ATP6V1D: variants seen among roughly 807,000 people sequenced by gnomAD.
ATP6V1D encodes V-type proton ATPase subunit D.
A neutral mutation model predicts 39.4 loss-of-function variants in ATP6V1D; 20 were observed. The observed-to-expected ratio is 0.51, with a 90% CI of 0.36 to 0.74. The LOEUF is 0.74. ATP6V1D is among the 30% of genes least tolerant of loss of function. ATP6V1D has a pLI of 0.00. For synonymous variants in ATP6V1D, 100 were observed against 100.5 expected (o/e 0.99, Z 0.03); for missense variants, 228 against 291.6 (o/e 0.78, Z 1.59).
At position 67,359,711 on chromosome 14, in the gene ATP6V1D, T is replaced by C. The variant is rs769484837; in HGVS notation, c.-13A>G. On this transcript the variant is annotated 5_prime_UTR_variant, in exon 1 of 9. Transcript: ENST00000216442. ...CTTTGCCCGACATTCTGACGATAAC[T>C]TTTCGGCTCGGGTCCCCGGCCGGGC... The C allele has an allele frequency of 3.1e-6, 5 of 1,613,504 alleles. No homozygotes were observed. The highest frequency in any genetic ancestry group is 4.2e-6 in the Non-Finnish European group (5 of 1,179,908).
At chr14:67,353,168 T>A in intron 1 of ATP6V1D, 128 bp from the exon 2 acceptor site, 1 of 677,730 alleles carries the variant, frequency 1.5e-6, no homozygotes, top group Non-Finnish European at 2.4e-6. Context: ...TATAGAGAAT[T>A]TGTAGCTGAC....
chr14:67,338,992 C>CTTT (rs772977015), intron 8 of ATP6V1D, among the ~76,000 whole-genome samples: 13 of 131,138 alleles, frequency 9.9e-5, no homozygotes, highest in East Asian at 4.2e-4. Flanking sequence ...AGACAGAAGC[C>CTTT]TTTTTTTTTT....
intron 5 of ATP6V1D, among the ~76,000 whole-genome samples, chr14:67,346,779 T>A (rs889345468): frequency 6.6e-6 from 1 of 152,232 alleles, no homozygotes. Context: ...AAGATCTTAT[T>A]TGACTTTAAA....
At chr14:67,347,942 C>CA (rs2085631670) in intron 4 of ATP6V1D, among the ~76,000 whole-genome samples, 2 of 150,420 alleles carry the variant, frequency 1.3e-5, no homozygotes, top group Admixed American at 6.6e-5. Flanking sequence ...GACAGAGTCT[C>CA]ACTCTGTCGC....
intron 3 of ATP6V1D, 106 bp from the exon 4 acceptor site, chr14:67,349,210 C>A: frequency 1.9e-6 from 2 of 1,074,706 alleles, no homozygotes; most frequent in South Asian, 1.5e-5. Context: ...TGAGATGTCA[C>A]AATTAAGTAT....
intron 1 of ATP6V1D, among the ~76,000 whole-genome samples, chr14:67,353,411 G>C (rs1381077452): frequency 6.6e-6 from 1 of 152,152 alleles, no homozygotes. Flanking sequence ...AGCTACAGGT[G>C]TAAGTGGGAG....
chr14:67,356,038 TGTATAACCTAGACACA>T (rs1330959078), intron 1 of ATP6V1D, among the ~76,000 whole-genome samples: 4 of 151,992 alleles, frequency 2.6e-5, no homozygotes, highest in South Asian at 4.1e-4. Context: ...ACAATAAGGT[TGTATAACCTAGACACA>T]GTATAACCTA....
At chr14:67,354,909 G>A (rs2085675820) in intron 1 of ATP6V1D, among the ~76,000 whole-genome samples, 1 of 152,180 alleles carries the variant, frequency 6.6e-6, no homozygotes, top group African/African-American at 2.4e-5. Context: ...TGCCTCCCAG[G>A]TTCAAGCGAT....
intron 8 of ATP6V1D, among the ~76,000 whole-genome samples, chr14:67,339,465 C>T (rs536104775): frequency 6.6e-6 from 1 of 152,086 alleles, no homozygotes; most frequent in Non-Finnish European, 1.5e-5. Flanking sequence ...ATGCTAACTC[C>T]AGGTCTAAGA....
chr14:67,349,314 T>G (rs1219442768), intron 3 of ATP6V1D, among the ~76,000 whole-genome samples: 3 of 152,210 alleles, frequency 2.0e-5, no homozygotes, highest in African/African-American at 7.2e-5. Context: ...ATTCAAAACA[T>G]TAGCAGTAAG....
chr14:67,348,929 A>T, intron 4 of ATP6V1D, 108 bp downstream of exon 4: 2 of 1,033,730 alleles, frequency 1.9e-6, no homozygotes, highest in Non-Finnish European at 2.9e-6. Flanking sequence ...AACTTGTTCT[A>T]AGTAGAAGGA....
intron 5 of ATP6V1D, among the ~76,000 whole-genome samples, chr14:67,347,085 G>A (rs1465325921): frequency 1.3e-5 from 2 of 152,092 alleles, no homozygotes; most frequent in Admixed American, 1.3e-4. Context: ...CCCAGCTCAA[G>A]CAATCCTCCC....
chr14:67,359,602 A>T, intron 1 of ATP6V1D, 56 bp downstream of exon 1: 1 of 1,602,258 alleles, frequency 6.2e-7, no homozygotes, highest in Non-Finnish European at 8.5e-7. Flanking sequence ...GTCTGAAGGG[A>T]CCGCGCTCCG....
intron 1 of ATP6V1D, among the ~76,000 whole-genome samples, chr14:67,355,241 G>A (rs965932359): frequency 6.6e-6 from 1 of 151,830 alleles, no homozygotes; most frequent in African/African-American, 2.4e-5. Context: ...GGTAACAAAT[G>A]ACATACGTAA....
intron 1 of ATP6V1D, 142 bp downstream of exon 1, chr14:67,359,516 G>A (rs542643351): frequency 4.5e-6 from 4 of 881,232 alleles, no homozygotes; most frequent in South Asian, 3.5e-5. Flanking sequence ...AGGAAGCCTC[G>A]CCCTAGACTC....
intron 1 of ATP6V1D, among the ~76,000 whole-genome samples, chr14:67,356,448 C>A (rs199732182): frequency 3.2e-4 from 43 of 135,438 alleles, no homozygotes; most frequent in East Asian, 2.7e-3. Flanking sequence ...AAAAAAAAAA[C>A]AAAAACAAAC....
At chr14:67,358,979 G>A (rs746554141) in intron 1 of ATP6V1D, among the ~76,000 whole-genome samples, 38 of 152,214 alleles carry the variant, frequency 2.5e-4, no homozygotes, top group Non-Finnish European at 5.6e-4. Context: ...TCTAGTGGGA[G>A]AGAAAGACAC....
At chr14:67,356,983 T>A (rs1391353705) in intron 1 of ATP6V1D, among the ~76,000 whole-genome samples, 1 of 152,204 alleles carries the variant, frequency 6.6e-6, no homozygotes, top group Non-Finnish European at 1.5e-5. Context: ...TAAAATTGAA[T>A]TTACCATGTT....
At chr14:67,352,024 C>T (rs10135498) in intron 2 of ATP6V1D, among the ~76,000 whole-genome samples, 23,414 of 151,532 alleles carry the variant, frequency 0.15, 3,426 homozygotes, top group East Asian at 0.42. Flanking sequence ...GTGGCTAACA[C>T]CTGTAATCCC....
Sources: gnomAD v4.1 joint callset for allele counts (sites outside exome capture counted in the v4.1 genomes callset) on GRCh38, gnomAD v4.1.1 for gene constraint, MANE v1.5 for transcripts, NCBI Gene and HGNC (gene_info 2026-07-23, HGNC 2026-07-21) for gene names.